The following STAG1 variants were observed in gnomAD, a reference collection of about 807,000 sequenced individuals.
STAG1 encodes the protein STAG1 cohesin complex component.
A neutral mutation model predicts 170.9 loss-of-function variants in STAG1; 26 were observed. The ratio of observed to expected loss-of-function variants is 0.15; its 90% CI spans 0.11 to 0.21. STAG1 has a LOEUF of 0.21. Among genes scored for constraint, STAG1 ranks in the 10% least tolerant of loss-of-function variants. The pLI, the probability that STAG1 is intolerant of heterozygous loss-of-function variation, is 1.00. For synonymous variants in STAG1, 514 were observed against 497.7 expected (o/e 1.03, Z -0.44); for missense variants, 964 against 1,509.5 (o/e 0.64, Z 5.99).
intron 30 of STAG1, 150 bp downstream of exon 30, chr3:136,343,682 T>TTAAA: frequency 2.0e-6 from 1 of 489,830 alleles, no homozygotes; most frequent in Admixed American, 4.2e-5. Flanking sequence ...AGACTTTTTA[T>TTAAA]AGCTCTTCTC....
chr3:136,351,064 T>G (rs1936416694), intron 28 of STAG1, among the ~76,000 whole-genome samples: 1 of 152,196 alleles, frequency 6.6e-6, no homozygotes, highest in South Asian at 2.1e-4. Context: ...TATATATTAT[T>G]TTTTAAAAGG....
chr3:136,414,884 T>C (rs1446177716), intron 21 of STAG1, among the ~76,000 whole-genome samples: 1 of 152,198 alleles, frequency 6.6e-6, no homozygotes, highest in Non-Finnish European at 1.5e-5. Context: ...ATTTCAATAT[T>C]GTTTTGTCTC....
chr3:136,447,825 G>C (rs934367597), intron 14 of STAG1, among the ~76,000 whole-genome samples: 1 of 151,916 alleles, frequency 6.6e-6, no homozygotes, highest in Non-Finnish European at 1.5e-5. Flanking sequence ...CACCGTGTTA[G>C]CCAGGATGGT....
intron 22 of STAG1, among the ~76,000 whole-genome samples, chr3:136,393,987 C>T (rs573297987): frequency 1.1e-4 from 16 of 152,260 alleles, no homozygotes; most frequent in South Asian, 6.2e-4. Context: ...CTGCAACCTC[C>T]GCCTCCTGGG....
At chr3:136,386,007 GAGAAA>G (rs2086863724) in intron 22 of STAG1, among the ~76,000 whole-genome samples, 2 of 152,162 alleles carry the variant, frequency 1.3e-5, no homozygotes. Context: ...TAGCCAAGAA[GAGAAA>G]CCTCTTTCAA....
chr3:136,692,239 A>T (rs1018504439), intron 1 of STAG1, among the ~76,000 whole-genome samples: 6 of 143,642 alleles, frequency 4.2e-5, no homozygotes, highest in Non-Finnish European at 9.0e-5. Flanking sequence ...GCTTAAAATC[A>T]GGAGGAAGAG....
chr3:136,370,376 A>G (rs920789025), intron 23 of STAG1, among the ~76,000 whole-genome samples: 3 of 152,018 alleles, frequency 2.0e-5, no homozygotes, highest in African/African-American at 7.2e-5. Flanking sequence ...TATTATTATT[A>G]TACTTTAAGT....
chr3:136,471,906 C>T (rs760385436), intron 12 of STAG1, among the ~76,000 whole-genome samples: 8 of 152,120 alleles, frequency 5.3e-5, no homozygotes, highest in Middle Eastern at 3.2e-3. Flanking sequence ...GGCTCCATTA[C>T]GACTCACTGC....
intron 1 of STAG1, among the ~76,000 whole-genome samples, chr3:136,687,131 A>C (rs1271615562): frequency 6.6e-6 from 1 of 152,180 alleles, no homozygotes; most frequent in African/African-American, 2.4e-5. Flanking sequence ...CTCAAACCAC[A>C]CTGGTATTTT....
At chr3:136,608,342 G>A (rs558274074) in intron 3 of STAG1, among the ~76,000 whole-genome samples, 1 of 151,386 alleles carries the variant, frequency 6.6e-6, no homozygotes, top group Admixed American at 6.6e-5. Flanking sequence ...AGGAGTTCCA[G>A]ACCAGCCTGA....
intron 1 of STAG1, among the ~76,000 whole-genome samples, chr3:136,671,766 G>A (rs534523321): frequency 2.9e-4 from 44 of 151,864 alleles, no homozygotes; most frequent in African/African-American, 1.0e-3. Flanking sequence ...CCTGTAGTTC[G>A]TGTTATTTTG....
intron 23 of STAG1, among the ~76,000 whole-genome samples, chr3:136,374,818 T>C (rs888405573): frequency 9.9e-5 from 15 of 152,154 alleles, no homozygotes; most frequent in African/African-American, 3.6e-4. Flanking sequence ...ACATATAGAG[T>C]CTACAGTGAT....
intron 4 of STAG1, among the ~76,000 whole-genome samples, chr3:136,575,520 A>G (rs979355190): frequency 3.5e-4 from 53 of 152,328 alleles, no homozygotes; most frequent in African/African-American, 1.2e-3. Flanking sequence ...GAATATTCCA[A>G]TGTGGATTGT....
At chr3:136,654,003 G>T (rs1455013006) in intron 1 of STAG1, among the ~76,000 whole-genome samples, 1 of 152,122 alleles carries the variant, frequency 6.6e-6, no homozygotes, top group Non-Finnish European at 1.5e-5. Context: ...TAATAAAGAT[G>T]ATATATGAAA....
intron 4 of STAG1, among the ~76,000 whole-genome samples, chr3:136,582,672 G>A (rs1386444809): frequency 6.6e-6 from 1 of 152,126 alleles, no homozygotes; most frequent in Non-Finnish European, 1.5e-5. Context: ...GGTGGTGCGT[G>A]CCTGTAGTCC....
chr3:136,577,246 G>A (rs1180651212), intron 4 of STAG1, among the ~76,000 whole-genome samples: 1 of 152,170 alleles, frequency 6.6e-6, no homozygotes, highest in Non-Finnish European at 1.5e-5. Context: ...CGTAATTTGA[G>A]AACCAGAGAA....
At chr3:136,558,106 T>C (rs1936697050) in intron 5 of STAG1, among the ~76,000 whole-genome samples, 1 of 152,166 alleles carries the variant, frequency 6.6e-6, no homozygotes, top group Non-Finnish European at 1.5e-5. Flanking sequence ...TTTTTAAAAA[T>C]CTTGGCCAGG....
intron 16 of STAG1, among the ~76,000 whole-genome samples, chr3:136,429,890 A>G (rs1342984947): frequency 6.6e-6 from 1 of 152,180 alleles, no homozygotes; most frequent in East Asian, 1.9e-4. Flanking sequence ...TTTTCTTAAA[A>G]ACTTTTTTCT....
intron 21 of STAG1, among the ~76,000 whole-genome samples, chr3:136,404,861 A>ATATGTG (rs1319597638): frequency 9.7e-6 from 1 of 102,968 alleles, no homozygotes; most frequent in African/African-American, 2.7e-5. Context: ...AATTATGCAT[A>ATATGTG]TATGTGTGTG....
Sources: allele counts gnomAD v4.1 joint callset (sites outside exome capture counted in the v4.1 genomes callset), GRCh38; gene constraint gnomAD v4.1.1; transcripts MANE v1.5; gene names NCBI Gene and HGNC (gene_info 2026-07-23, HGNC 2026-07-21).